Variants in GPC6 observed in about 807,000 individuals in gnomAD.
GPC6 encodes the protein glypican 6.
Under a neutral mutation model 55.2 loss-of-function variants are expected in GPC6, and 14 were observed. That is an observed-to-expected ratio of 0.25 (90% CI 0.17 to 0.40). GPC6 has a LOEUF of 0.40. Ranked by LOEUF, GPC6 falls within the 10% of genes least tolerant of loss-of-function variation. The pLI, the probability that GPC6 is intolerant of heterozygous loss-of-function variation, is 1.00. For synonymous variants in GPC6, 278 were observed against 259.6 expected (o/e 1.07, Z -0.68); for missense variants, 641 against 708.5 (o/e 0.90, Z 1.08).
intron 6 of GPC6, among the ~76,000 whole-genome samples, chr13:94,363,525 CAGA>C (rs1276348121): frequency 2.0e-5 from 3 of 152,290 alleles, no homozygotes; most frequent in South Asian, 2.1e-4. Flanking sequence ...TCAAAAAGTT[CAGA>C]AGAAGATACT....
chr13:93,423,118 A>G (rs963222361), intron 1 of GPC6, among the ~76,000 whole-genome samples: 1 of 152,138 alleles, frequency 6.6e-6, no homozygotes, highest in African/African-American at 2.4e-5. Flanking sequence ...CAGAGTCCCT[A>G]TAAAACAACC....
chr13:94,287,200 G>A (rs974355837), intron 5 of GPC6, among the ~76,000 whole-genome samples: 1 of 152,108 alleles, frequency 6.6e-6, no homozygotes, highest in Admixed American at 6.6e-5. Flanking sequence ...CTCTCCCATA[G>A]TGATGACTGC....
intron 3 of GPC6, among the ~76,000 whole-genome samples, chr13:93,873,483 A>G (rs145861348): frequency 5.5e-4 from 84 of 151,946 alleles, no homozygotes; most frequent in Middle Eastern, 6.8e-3. Flanking sequence ...ATATTTGACA[A>G]TATCTGGAAG....
chr13:94,285,933 T>C (rs1892517603), intron 4 of GPC6, among the ~76,000 whole-genome samples: 1 of 152,184 alleles, frequency 6.6e-6, no homozygotes, highest in Non-Finnish European at 1.5e-5. Flanking sequence ...TTCAACTGGG[T>C]CTTGACTTTT....
intron 1 of GPC6, among the ~76,000 whole-genome samples, chr13:93,524,595 TC>T (rs1313769765): frequency 6.6e-6 from 1 of 152,054 alleles, no homozygotes; most frequent in Non-Finnish European, 1.5e-5. Context: ...CACCCTTTAT[TC>T]AAGTCACTTT....
chr13:93,465,441 A>G (rs1039443147), intron 1 of GPC6, among the ~76,000 whole-genome samples: 2 of 152,200 alleles, frequency 1.3e-5, no homozygotes, highest in African/African-American at 4.8e-5. Context: ...TTCCATTAGC[A>G]CTTGCTGCTT....
At chr13:93,870,544 T>C (rs1889097730) in intron 3 of GPC6, among the ~76,000 whole-genome samples, 1 of 151,890 alleles carries the variant, frequency 6.6e-6, no homozygotes, top group Admixed American at 6.6e-5. Flanking sequence ...ATGGGCTGAA[T>C]TGTGTAACCC....
intron 2 of GPC6, among the ~76,000 whole-genome samples, chr13:93,547,344 T>TCAAAACAAACAACAAAAA (rs1874859552): frequency 1.3e-5 from 2 of 152,084 alleles, no homozygotes; most frequent in Admixed American, 1.3e-4. Flanking sequence ...AGACTCTGTC[T>TCAAAACAAACAACAAAAA]CAAAACAAAC....
chr13:94,132,963 G>GT (rs1887053071), intron 4 of GPC6, among the ~76,000 whole-genome samples: 1 of 152,048 alleles, frequency 6.6e-6, no homozygotes, highest in South Asian at 2.1e-4. Flanking sequence ...TTAATGTTTT[G>GT]TTTTTTAGGT....
In GPC6 at chr13:94,225,158, G is replaced by A. The variant is rs377618665; in HGVS notation, c.878-61191G>A. ...GCTGTTCTTTGCCTGTTAATCATTGGCCCTCTTCAATTAGGGCATGAAGAG... is the reference window on the plus strand; with the variant it reads ...GCTGTTCTTTGCCTGTTAATCATTGACCCTCTTCAATTAGGGCATGAAGAG... On this transcript the variant is annotated intron_variant, in intron 4 of 8. Transcript: ENST00000377047. Among the ~76,000 whole-genome samples the A allele has an allele frequency of 1.1e-4, 16 of 152,124 alleles. No homozygotes were observed. In the East Asian group the frequency reaches 1.4e-3, roughly 13 times the overall value.
At chr13:93,304,236 T>G (rs562246776) in intron 1 of GPC6, among the ~76,000 whole-genome samples, 9 of 152,222 alleles carry the variant, frequency 5.9e-5, no homozygotes, top group African/African-American at 2.2e-4. Context: ...TTGTTGGGAT[T>G]TTGCAGGAAA....
At chr13:93,261,619 T>C (rs867071236) in intron 1 of GPC6, among the ~76,000 whole-genome samples, 22 of 152,190 alleles carry the variant, frequency 1.4e-4, no homozygotes, top group African/African-American at 3.9e-4. Flanking sequence ...CCTAGGGAAA[T>C]TGAGTGTAAA....
intron 3 of GPC6, among the ~76,000 whole-genome samples, chr13:93,946,426 T>C (rs374915641): frequency 3.8e-4 from 58 of 152,282 alleles, no homozygotes; most frequent in African/African-American, 1.4e-3. Context: ...GCCACCGCTC[T>C]CGCCCCAAAC....
intron 1 of GPC6, among the ~76,000 whole-genome samples, chr13:93,299,557 G>A (rs1256883690): frequency 1.3e-5 from 2 of 152,178 alleles, no homozygotes; most frequent in Admixed American, 1.3e-4. Flanking sequence ...TTCAAGAACT[G>A]CCACTCACAC....
chr13:93,579,677 ACTTGATTAAGATG>A (rs1459151808), intron 2 of GPC6, among the ~76,000 whole-genome samples: 1 of 152,128 alleles, frequency 6.6e-6, no homozygotes, highest in Non-Finnish European at 1.5e-5. Context: ...GAGAAAGGAG[ACTTGATTAAGATG>A]CTTGAAGTCT....
chr13:93,822,664 A>C (rs1594488472), intron 2 of GPC6, among the ~76,000 whole-genome samples: 1 of 141,144 alleles, frequency 7.1e-6, no homozygotes, highest in Admixed American at 7.6e-5. Flanking sequence ...TTCTCATTGT[A>C]CAACTCCCAC....
chr13:93,846,861 G>C (rs1404936729), intron 3 of GPC6, among the ~76,000 whole-genome samples: 2 of 152,142 alleles, frequency 1.3e-5, no homozygotes, highest in African/African-American at 4.8e-5. Flanking sequence ...TACTGAAGAA[G>C]AGCTTGTGGC....
chr13:93,853,471 A>G (rs564475951), intron 3 of GPC6, among the ~76,000 whole-genome samples: 1 of 151,686 alleles, frequency 6.6e-6, no homozygotes, highest in African/African-American at 2.4e-5. Flanking sequence ...CTTTAATCAA[A>G]TTTTTACATT....
At chr13:93,605,953 A>G (rs1203165204) in intron 2 of GPC6, among the ~76,000 whole-genome samples, 1 of 152,092 alleles carries the variant, frequency 6.6e-6, no homozygotes, top group Admixed American at 6.6e-5. Flanking sequence ...GATCTGTAAA[A>G]TAAAAGGATA....
Sources: allele counts gnomAD v4.1 joint callset (sites outside exome capture counted in the v4.1 genomes callset), GRCh38; gene constraint gnomAD v4.1.1; transcripts MANE v1.5; gene names NCBI Gene and HGNC (gene_info 2026-07-23, HGNC 2026-07-21).